TRPM3: variants seen among roughly 807,000 people sequenced by gnomAD.
TRPM3 encodes the protein transient receptor potential cation channel subfamily M member 3.
TRPM3 carries 77 observed loss-of-function variants against 181.2 expected under a neutral mutation model. That is an observed-to-expected ratio of 0.42 (90% confidence interval 0.35 to 0.51). TRPM3 has a LOEUF of 0.51. Ranked by LOEUF, TRPM3 falls within the 20% of genes least tolerant of loss-of-function variation. The pLI, the probability that TRPM3 is intolerant of heterozygous loss-of-function variation, is 0.01. For synonymous variants in TRPM3, 745 were observed against 796.4 expected (o/e 0.94, Z 1.09); for missense variants, 1,759 against 2,196.7 (o/e 0.80, Z 3.98).
intron 7 of TRPM3, chr9:70,775,781 T>A (rs1000436686): frequency 1.0e-4 from 15 of 144,908 alleles, no homozygotes; most frequent in African/African-American, 3.7e-4. Context: ...AGCCAGCAAT[T>A]GTGAGATTTT....
chr9:70,539,560 G>A (rs1370316902), intron 25 of TRPM3, among the ~76,000 whole-genome samples: 1 of 151,408 alleles, frequency 6.6e-6, no homozygotes, highest in Non-Finnish European at 1.5e-5. Flanking sequence ...ACCATCCCCA[G>A]GTGTATTCCC....
chr9:70,606,040 G>C (rs951347807), intron 19 of TRPM3, among the ~76,000 whole-genome samples: 2 of 152,192 alleles, frequency 1.3e-5, no homozygotes, highest in African/African-American at 4.8e-5. Context: ...AGGAAGGTAG[G>C]CATAGATATC....
At chr9:70,761,932 C>G (rs1381331796) in intron 7 of TRPM3, among the ~76,000 whole-genome samples, 1 of 152,138 alleles carries the variant, frequency 6.6e-6, no homozygotes, top group African/African-American at 2.4e-5. Context: ...CAGAAACCAA[C>G]AGTCGAAAGA....
chr9:71,442,265 T>G (rs968788359), intron 1 of TRPM3, among the ~76,000 whole-genome samples: 7 of 152,160 alleles, frequency 4.6e-5, no homozygotes, highest in Non-Finnish European at 8.8e-5. Flanking sequence ...GAAGCAAGAG[T>G]GCTGTCTAAG....
At chr9:71,024,106 A>G (rs923542356) in intron 1 of TRPM3, among the ~76,000 whole-genome samples, 1 of 152,220 alleles carries the variant, frequency 6.6e-6, no homozygotes, top group Admixed American at 6.5e-5. Context: ...GAAATCAGGG[A>G]AAGGATACAC....
intron 22 of TRPM3, among the ~76,000 whole-genome samples, chr9:70,553,790 A>G (rs550692711): frequency 2.6e-4 from 40 of 152,328 alleles, no homozygotes; most frequent in Middle Eastern, 6.8e-3. Flanking sequence ...GGCAGCTGTT[A>G]ATTGCTGCAA....
chr9:71,432,323 C>CTTTTTTTTTT (rs67905820), intron 1 of TRPM3, among the ~76,000 whole-genome samples: 7 of 76,620 alleles, frequency 9.1e-5, no homozygotes, highest in Non-Finnish European at 1.0e-4. Flanking sequence ...AAAAGTAGGA[C>CTTTTTTTTTT]TTTTTTTTTT....
chr9:71,197,609 C>T (rs908323265), intron 1 of TRPM3, among the ~76,000 whole-genome samples: 4 of 152,198 alleles, frequency 2.6e-5, no homozygotes, highest in African/African-American at 9.6e-5. Flanking sequence ...ATTTGCATTA[C>T]TCTGATGGCC....
intron 1 of TRPM3, among the ~76,000 whole-genome samples, chr9:70,948,503 T>C (rs1356240003): frequency 6.6e-6 from 1 of 152,318 alleles, no homozygotes; most frequent in South Asian, 2.1e-4. Context: ...TACTGTGACA[T>C]GCCCTCTGGC....
chr9:71,321,073 T>A (rs573784065), intron 1 of TRPM3, among the ~76,000 whole-genome samples: 40 of 152,292 alleles, frequency 2.6e-4, no homozygotes, highest in African/African-American at 9.4e-4. Flanking sequence ...GTTACCATCA[T>A]GGACAATTTA....
At chr9:70,584,033 C>T (rs1340190131) in intron 22 of TRPM3, among the ~76,000 whole-genome samples, 1 of 152,068 alleles carries the variant, frequency 6.6e-6, no homozygotes, top group African/African-American at 2.4e-5. Context: ...ATACAAACTC[C>T]TCTGCTTTCT....
At chr9:71,215,825 G>A (rs2079829500) in intron 1 of TRPM3, among the ~76,000 whole-genome samples, 1 of 152,164 alleles carries the variant, frequency 6.6e-6, no homozygotes, top group Admixed American at 6.5e-5. Flanking sequence ...CTTAATGCCA[G>A]GATGAACAGA....
At chr9:70,550,844 C>T (rs887405063) in intron 24 of TRPM3, among the ~76,000 whole-genome samples, 2 of 152,208 alleles carry the variant, frequency 1.3e-5, no homozygotes, top group African/African-American at 4.8e-5. Context: ...AGAAATTAGA[C>T]TGCTCTTGTC....
intron 1 of TRPM3, among the ~76,000 whole-genome samples, chr9:71,073,226 A>C (rs2063005264): frequency 6.6e-6 from 1 of 152,198 alleles, no homozygotes; most frequent in Non-Finnish European, 1.5e-5. Context: ...GCAGAAATCA[A>C]GTCATAAAGA....
intron 1 of TRPM3, among the ~76,000 whole-genome samples, chr9:71,159,090 T>TTA (rs1363463530): frequency 3.4e-4 from 42 of 121,834 alleles, no homozygotes; most frequent in African/African-American, 6.9e-4. Context: ...TGAGCCTATA[T>TTA]TATATATATA....
intron 1 of TRPM3, among the ~76,000 whole-genome samples, chr9:71,193,013 G>C (rs567209681): frequency 7.2e-5 from 11 of 151,940 alleles, no homozygotes; most frequent in Admixed American, 2.6e-4. Flanking sequence ...TGTATATATG[G>C]TGTATGTGTA....
intron 1 of TRPM3, among the ~76,000 whole-genome samples, chr9:71,180,894 C>G (rs962832931): frequency 2.0e-5 from 3 of 152,160 alleles, no homozygotes; most frequent in Admixed American, 6.5e-5. Context: ...ATTAGATTCT[C>G]TAATTATAGA....
intron 1 of TRPM3, among the ~76,000 whole-genome samples, chr9:71,409,955 CACTCAAA>C (rs1208573514): frequency 6.6e-6 from 1 of 152,182 alleles, no homozygotes; most frequent in Non-Finnish European, 1.5e-5. Context: ...TTAAAAAACT[CACTCAAA>C]ACTGCACAAA....
chr9:71,250,037 TCATTGA>T (rs1273860886), intron 1 of TRPM3, among the ~76,000 whole-genome samples: 3 of 152,318 alleles, frequency 2.0e-5, no homozygotes, highest in East Asian at 1.9e-4. Context: ...TGATAACTCC[TCATTGA>T]CATTAAGAGA....
Sources: allele counts gnomAD v4.1 joint callset (sites outside exome capture counted in the v4.1 genomes callset), GRCh38; gene constraint gnomAD v4.1.1; transcripts MANE v1.5; gene names NCBI Gene and HGNC (gene_info 2026-07-23, HGNC 2026-07-21).